The following FBLN1 variants were observed in gnomAD, a reference collection of about 807,000 sequenced individuals.
FBLN1 encodes fibulin-1.
Under a neutral mutation model 89.7 loss-of-function variants are expected in FBLN1, and 34 were observed. That is an observed-to-expected ratio of 0.38 (90% CI 0.29 to 0.50). The LOEUF is 0.50. Among genes scored for constraint, FBLN1 ranks in the 20% least tolerant of loss-of-function variants. The pLI is 0.92. For synonymous variants in FBLN1, 393 were observed against 391.3 expected (o/e 1.00, Z -0.05); for missense variants, 777 against 988.1 (o/e 0.79, Z 2.86).
intron 7 of FBLN1, 37 bp from the exon 8 acceptor site, chr22:45,535,163 C>A (rs1157340899): frequency 3.1e-6 from 5 of 1,613,506 alleles, no homozygotes; most frequent in South Asian, 1.1e-5. Flanking sequence ...TCTGGCAGGA[C>A]TCTTGCTAAC....
rs1278451303 is a variant in FBLN1, at chr22:45,577,437, AGTAAAGTGCTT to A, written c.1972+332_1972+342del. ...CATGAATTTCAAATGATACCACCCA[AGTAAAGTGCTT>A]GTCCTGAGGGCTGGCACAGTCCCGC... On this transcript the variant is annotated intron_variant, in intron 16 of 16. Coordinates refer to ENST00000327858, the MANE Select transcript of FBLN1 (RefSeq NM_006486.3). This position sits in a 1 kb window ranked among gnomAD's most constrained non-coding sequence, Gnocchi z 6.6. Among the ~76,000 whole-genome samples the A allele has an allele frequency of 2.0e-5, 3 of 152,178 alleles. 1 individual carries two copies. Among genetic ancestry groups the A allele is most frequent in the South Asian group, 4.2e-4 (2 of 4,816 alleles).
At chr22:45,589,412 C>G (rs2089116725) in intron 16 of FBLN1, among the ~76,000 whole-genome samples, 1 of 152,162 alleles carries the variant, frequency 6.6e-6, no homozygotes, top group Non-Finnish European at 1.5e-5. Context: ...GAGCACGGTC[C>G]ATAGCGTAGG....
intron 11 of FBLN1, among the ~76,000 whole-genome samples, chr22:45,544,474 A>G (rs1238281569): frequency 1.3e-5 from 2 of 152,196 alleles, no homozygotes; most frequent in South Asian, 2.1e-4. Flanking sequence ...GACATTCCCC[A>G]GGCATGTCCC....
rs924420997 is a variant in FBLN1 at position 45,561,570 on chromosome 22, T to G, written c.1697+10955T>G. On this transcript the variant is annotated intron_variant, in intron 14 of 16. Coordinates refer to ENST00000327858, the MANE Select transcript of FBLN1 (RefSeq NM_006486.3). This position sits in a 1 kb window ranked among gnomAD's most constrained non-coding sequence, Gnocchi z 4.7. Reference sequence around the variant, plus strand: ...CTCCATACTATTAGAAGTGGAGTCCTTAGCATTTTTGGATCTAATCGTTAA... The same window carrying G: ...CTCCATACTATTAGAAGTGGAGTCCGTAGCATTTTTGGATCTAATCGTTAA... Among the ~76,000 whole-genome samples, 2 of 152,166 alleles carry G rather than the reference T, an allele frequency of 1.3e-5. No homozygotes were observed. The highest frequency in any genetic ancestry group is 4.8e-5 in the African/African-American group (2 of 41,442).
intron 2 of FBLN1, chr22:45,523,288 A>G: frequency 1.6e-6 from 1 of 613,002 alleles, no homozygotes; most frequent in African/African-American, 1.8e-5. Flanking sequence ...TACAAGGGTA[A>G]CCAGGTGGCT....
rs565739699 is a variant in FBLN1, at chr22:45,584,669, G to A, written c.1972+7561G>A. Among the ~76,000 whole-genome samples, 8 of 152,306 alleles carry A rather than the reference G, an allele frequency of 5.3e-5. No individual in the cohort carries two copies. In the East Asian group the frequency reaches 1.2e-3, roughly 22 times the overall value. On this transcript the variant is annotated intron_variant, in intron 16 of 16. Coordinates refer to ENST00000327858, the MANE Select transcript of FBLN1 (RefSeq NM_006486.3). ...AACATAAGAGTGGTCTAGTCTGGAG[G>A]ATAAATGAGCCGCTGGGAGGAAGAA... is the stretch of plus-strand genomic sequence containing the variant.
At chr22:45,526,404 C>T (rs1322985169) in intron 3 of FBLN1, among the ~76,000 whole-genome samples, 1 of 152,182 alleles carries the variant, frequency 6.6e-6, no homozygotes, top group Non-Finnish European at 1.5e-5. Context: ...CCAAGGTGTC[C>T]AGGCCATCCC....
intron 8 of FBLN1, among the ~76,000 whole-genome samples, chr22:45,539,160 C>A (rs2088521701): frequency 7.7e-6 from 1 of 129,418 alleles, no homozygotes; most frequent in African/African-American, 2.9e-5. Flanking sequence ...CCTTCCCTTC[C>A]CCTTCTCTCC....
Position 45,543,427 on chromosome 22 carries a change from G to T in FBLN1, c.1222G>T (p.Gly408Trp). Residue 408 changes from glycine to tryptophan, a missense_variant, in exon 11 of 17, where the codon GGG becomes TGG. Gly to Trp is a radical substitution (Grantham distance 184). Transcript: ENST00000327858. ...TGTCAACGAGTGCCAGCGCTACCCC[G>T]GGCGCCTGTGTGGCCACAAGTGCGA... ...VDVNECQRYP[G>W]RLCGHKCENT... 6.2e-7 allele frequency: 1 copy of T among 1,613,398 alleles called. No homozygotes were observed. Among genetic ancestry groups the T allele is most frequent in the Non-Finnish European group, 8.5e-7 (1 of 1,179,972 alleles).
At chr22:45,554,101 C>T (rs1468456041) in intron 14 of FBLN1, among the ~76,000 whole-genome samples, 1 of 152,260 alleles carries the variant, frequency 6.6e-6, no homozygotes, top group African/African-American at 2.4e-5. Context: ...GAGCTATCAG[C>T]AAGTTCTGCA....
chr22:45,560,342 CAA>C (rs1483474039), intron 14 of FBLN1, among the ~76,000 whole-genome samples: 1 of 152,234 alleles, frequency 6.6e-6, no homozygotes, highest in Non-Finnish European at 1.5e-5. Context: ...GCTGCCCTCA[CAA>C]ATCTGTTTCG....
At position 45,545,930 on chromosome 22, in the gene FBLN1, T is replaced by C. The variant is rs2088620546; in HGVS notation, c.1322-1155T>C. ...TGGGAGGCTGAGGCAGGTGGATTAC[T>C]TGAGGTCAGGAGTTCGAGACCAGTA... is the stretch of plus-strand genomic sequence containing the variant. On this transcript the variant is annotated intron_variant, in intron 11 of 16. Transcript: ENST00000327858. The surrounding 1 kb of genome is among the most constrained non-coding windows in gnomAD (Gnocchi z 5.9). Among the ~76,000 whole-genome samples the C allele has an allele frequency of 6.6e-6, 1 of 152,014 alleles. No homozygotes were observed. Among genetic ancestry groups the C allele is most frequent in the Non-Finnish European group, 1.5e-5 (1 of 68,000 alleles).
intron 1 of FBLN1, among the ~76,000 whole-genome samples, chr22:45,505,975 GCC>G (rs1458808144): frequency 6.6e-6 from 1 of 152,152 alleles, no homozygotes; most frequent in African/African-American, 2.4e-5. Flanking sequence ...CACCATCTTG[GCC>G]AGGCTAGTCT....
chr22:45,562,393 A>G lies in FBLN1; in HGVS notation c.1697+11778A>G, dbSNP rs1359885802. 1.3e-5 allele frequency among the ~76,000 whole-genome samples: 2 copies of G among 152,190 alleles called. No individual in the cohort carries two copies. Among genetic ancestry groups the G allele is most frequent in the Admixed American group, 1.3e-4 (2 of 15,282 alleles). ...GAGCCTCAGTGTCCTCATGTGAAAA[A>G]TATCACCGAAGCCACTGTCATGGGG... On this transcript the variant is annotated intron_variant, in intron 14 of 16. Coordinates refer to ENST00000327858, the MANE Select transcript of FBLN1 (RefSeq NM_006486.3). This position sits in a 1 kb window ranked among gnomAD's most constrained non-coding sequence, Gnocchi z 7.8.
intron 3 of FBLN1, among the ~76,000 whole-genome samples, chr22:45,527,211 T>C (rs1184664438): frequency 6.6e-6 from 1 of 152,194 alleles, no homozygotes; most frequent in Admixed American, 6.5e-5. Flanking sequence ...GCTTTTCGTG[T>C]GTCAGGGCAA....
intron 10 of FBLN1, 47 bp downstream of exon 10, chr22:45,542,330 A>T (rs1332841794): frequency 6.2e-7 from 1 of 1,611,368 alleles, no homozygotes; most frequent in East Asian, 2.2e-5. Context: ...GCCACGTGGC[A>T]CCAGGGACAC....
intron 3 of FBLN1, 37 bp downstream of exon 3, chr22:45,525,715 C>T (rs1569239716): frequency 1.3e-6 from 2 of 1,550,972 alleles, no homozygotes; most frequent in Non-Finnish European, 8.7e-7. Flanking sequence ...GCTGCCCGTC[C>T]CCACTAGTCG....
At chr22:45,514,177 G>A (rs1333247936) in intron 1 of FBLN1, among the ~76,000 whole-genome samples, 1 of 152,188 alleles carries the variant, frequency 6.6e-6, no homozygotes, top group South Asian at 2.1e-4. Context: ...TGGGAGTGGA[G>A]TTGGTTTTGT....
Position 45,545,226 on chromosome 22 carries a change from G to C in FBLN1, c.1321+1700G>C, listed in dbSNP as rs1242489708. 6.6e-6 allele frequency among the ~76,000 whole-genome samples: 1 copy of C among 152,200 alleles called. No homozygotes were observed. Among genetic ancestry groups the C allele is most frequent in the Non-Finnish European group, 1.5e-5 (1 of 68,040 alleles). On this transcript the variant is annotated intron_variant, in intron 11 of 16. Transcript: ENST00000327858. This position sits in a 1 kb window ranked among gnomAD's most constrained non-coding sequence, Gnocchi z 5.9. ...TTCACGAGTTGAGTCTCTCAGGCTT[G>C]TGTTCAAACCTGACTTCTGCCATTT...
Sources: allele counts gnomAD v4.1 joint callset (sites outside exome capture counted in the v4.1 genomes callset), GRCh38; gene constraint gnomAD v4.1.1; non-coding constraint Gnocchi (gnomAD v3.1); transcripts MANE v1.5; gene names NCBI Gene and HGNC (gene_info 2026-07-23, HGNC 2026-07-21).